The following LZTS1 variants were observed in gnomAD, a reference collection of about 807,000 sequenced individuals.
LZTS1 encodes the protein leucine zipper putative tumor suppressor 1.
LZTS1 carries 31 observed loss-of-function variants against 45.8 expected under a neutral mutation model. The ratio of observed to expected loss-of-function variants is 0.68; its 90% CI spans 0.51 to 0.91. LZTS1 has a LOEUF of 0.91. LZTS1 is among the 40% of genes least tolerant of loss of function. The pLI is 0.00. For synonymous variants in LZTS1, 359 were observed against 357.3 expected, an observed-to-expected ratio of 1.00 and a Z score of -0.05; for missense variants, 821 against 788.9, an observed-to-expected ratio of 1.04 and a Z score of -0.49.
chr8:20,252,970 A>C lies in LZTS1; in HGVS notation c.961T>G (p.Ser321Ala), dbSNP rs771981909. Residue 321 changes from serine to alanine, a missense_variant, in exon 3 of 4, where the codon TCG becomes GCG. Physicochemically the swap from Ser to Ala is moderately conservative, Grantham distance 99. Transcript: ENST00000381569. ...PKGGNKLKQASQKSQRAQQVL... is the reference protein window; with the variant it reads ...PKGGNKLKQAAQKSQRAQQVL... ...TGCTGCGCGCGCTGGCTCTTCTGCG[A>C]GGCCTGCTTGAGCTTGTTGCCGCCT... 1.9e-6 allele frequency: 3 copies of C among 1,588,012 alleles called. No homozygotes were observed. Among genetic ancestry groups the C allele is most frequent in the Non-Finnish European group, 2.6e-6 (3 of 1,167,496 alleles).
chr8:20,284,766 T>C (rs1800757545), intron 1 of LZTS1, among the ~76,000 whole-genome samples: 1 of 152,060 alleles, frequency 6.6e-6, no homozygotes, highest in Non-Finnish European at 1.5e-5. Flanking sequence ...GCTTACCTCT[T>C]CTGCCTCCAA....
intron 1 of LZTS1, among the ~76,000 whole-genome samples, chr8:20,259,437 T>G (rs1170771206): frequency 6.6e-6 from 1 of 152,142 alleles, no homozygotes; most frequent in East Asian, 1.9e-4. Flanking sequence ...TCCTCTCACC[T>G]CCATCTCCTC....
intron 1 of LZTS1, among the ~76,000 whole-genome samples, chr8:20,264,348 C>G (rs549032965): frequency 2.0e-5 from 3 of 152,122 alleles, no homozygotes; most frequent in Admixed American, 1.3e-4. Flanking sequence ...ATTATTTTTC[C>G]ACGTATGAAA....
Position 20,255,277 on chromosome 8 carries a change from C to CA in LZTS1, c.-97dup. On this transcript the variant is annotated 5_prime_UTR_variant, in exon 2 of 4. The change abolishes an upstream ATG in the 5' untranslated region. Coordinates refer to ENST00000381569, the MANE Select transcript of LZTS1 (RefSeq NM_021020.5). ...CGTGGCTCCGTGAGGGGACTGAGGT[C>CA]ATAGCAAAGCCCTCACAGAGCCTGC... 1 of 1,475,158 alleles carries CA rather than the reference C, an allele frequency of 6.8e-7. No homozygotes were observed. The highest frequency in any genetic ancestry group is 2.4e-5 in the Admixed American group (1 of 41,520). 91.4% of individuals were successfully genotyped at this position (1,475,158 alleles called of 1,614,324 possible).
intron 1 of LZTS1, among the ~76,000 whole-genome samples, chr8:20,294,977 C>G (rs1800957696): frequency 6.6e-6 from 1 of 151,868 alleles, no homozygotes; most frequent in African/African-American, 2.4e-5. Flanking sequence ...TTATCTCCCC[C>G]AAGCAGAGTG....
At chr8:20,263,248 T>A (rs1396432865) in intron 1 of LZTS1, among the ~76,000 whole-genome samples, 2 of 151,992 alleles carry the variant, frequency 1.3e-5, no homozygotes, top group Non-Finnish European at 2.9e-5. Flanking sequence ...GGCGGGGAGA[T>A]GTGGGTCTTC....
chr8:20,248,145 C>T lies in LZTS1; in HGVS notation c.*1577G>A, dbSNP rs1053602709. 1 of 151,442 alleles carries T rather than the reference C, an allele frequency of 6.6e-6. No individual in the cohort carries two copies. Among genetic ancestry groups the T allele is most frequent in the Non-Finnish European group, 1.5e-5 (1 of 67,906 alleles). 9.4% of individuals were successfully genotyped at this position (151,442 alleles called of 1,614,324 possible). On this transcript the variant is annotated 3_prime_UTR_variant, in exon 4 of 4. Coordinates refer to ENST00000381569, the MANE Select transcript of LZTS1 (RefSeq NM_021020.5). Reference sequence around the variant, plus strand: ...ACCAGCTTTGGCAACAAAACGAGACCCCGTCCCTACAAAAAAAATGAAAAG... The same window carrying T: ...ACCAGCTTTGGCAACAAAACGAGACTCCGTCCCTACAAAAAAAATGAAAAG...
chr8:20,272,378 C>T (rs1800491275), intron 1 of LZTS1, among the ~76,000 whole-genome samples: 1 of 152,138 alleles, frequency 6.6e-6, no homozygotes, highest in African/African-American at 2.4e-5. Context: ...TTTGCTCATG[C>T]CCAATTCTCC....
At chr8:20,264,566 G>A (rs1048997079) in intron 1 of LZTS1, among the ~76,000 whole-genome samples, 2 of 152,198 alleles carry the variant, frequency 1.3e-5, no homozygotes, top group African/African-American at 4.8e-5. Context: ...TTACTCAGAA[G>A]AGGGGCACTG....
chr8:20,263,236 TG>T (rs1800279788), intron 1 of LZTS1, among the ~76,000 whole-genome samples: 1 of 152,078 alleles, frequency 6.6e-6, no homozygotes, highest in Non-Finnish European at 1.5e-5. Flanking sequence ...AGGCGGAGAC[TG>T]GGCGGGGAGA....
chr8:20,254,409 C>T (rs967009519), intron 2 of LZTS1, among the ~76,000 whole-genome samples: 2 of 152,168 alleles, frequency 1.3e-5, no homozygotes, highest in East Asian at 1.9e-4. Context: ...GAAGACCGCA[C>T]CCACCCCCAC....
chr8:20,297,607 G>C (rs1470262344), intron 1 of LZTS1, among the ~76,000 whole-genome samples: 1 of 152,120 alleles, frequency 6.6e-6, no homozygotes, highest in African/African-American at 2.4e-5. Context: ...ATAGAGATGG[G>C]ATTTCGCCAT....
At position 20,253,290 on chromosome 8, in the gene LZTS1, G is replaced by A; in HGVS notation, c.641C>T (p.Thr214Ile). The A allele has an allele frequency of 6.2e-7, 1 of 1,614,080 alleles. No homozygotes were observed. Among genetic ancestry groups the A allele is most frequent in the Non-Finnish European group, 8.5e-7 (1 of 1,180,038 alleles). ...SRFGGSAHNI[T>I]QGIVLQDSNM... ...GCTGTCCTGGAGGACGATGCCCTGG[G>A]TGATGTTGTGGGCGGAGCCCCCAAA... Residue 214 changes from threonine to isoleucine, a missense_variant, in exon 3 of 4, where the codon ACC (threonine) becomes ATC (isoleucine). Coordinates refer to ENST00000381569, the MANE Select transcript of LZTS1 (RefSeq NM_021020.5).
chr8:20,298,479 T>A (rs1801015514), intron 1 of LZTS1, among the ~76,000 whole-genome samples: 1 of 152,150 alleles, frequency 6.6e-6, no homozygotes, highest in Admixed American at 6.5e-5. Context: ...TTCCACTTTT[T>A]AAAGTGTAAA....
In LZTS1 at chr8:20,273,486, T is replaced by C. The variant is rs1032399515; in HGVS notation, c.-134-18171A>G. Among the ~76,000 whole-genome samples, 3 of 152,182 alleles carry C rather than the reference T, an allele frequency of 2.0e-5. No individual in the cohort carries two copies. In the East Asian group the frequency reaches 5.8e-4, roughly 29 times the overall value. ...CGCACATCCACAGTGGAATTCTTCA[T>C]TCTCTCTTGCTTGCCAGGATCCATC... is the stretch of plus-strand genomic sequence containing the variant. On this transcript the variant is annotated intron_variant, in intron 1 of 3. Transcript: ENST00000381569.
intron 1 of LZTS1, among the ~76,000 whole-genome samples, chr8:20,277,151 T>A (rs571199124): frequency 6.6e-6 from 1 of 152,162 alleles, no homozygotes; most frequent in Non-Finnish European, 1.5e-5. Context: ...AAAACCAAGA[T>A]GGTGATGAGA....
chr8:20,296,888 C>A (rs1800987639), intron 1 of LZTS1, among the ~76,000 whole-genome samples: 1 of 152,192 alleles, frequency 6.6e-6, no homozygotes, highest in East Asian at 1.9e-4. Flanking sequence ...TCTGTTCAGA[C>A]ACCGATTTGG....
chr8:20,249,337 A>C lies in LZTS1; in HGVS notation c.*385T>G. The C allele has an allele frequency of 4.9e-6, 1 of 205,840 alleles. No individual in the cohort carries two copies. The highest frequency in any genetic ancestry group is 9.9e-6 in the Non-Finnish European group (1 of 101,414). The allele number at this position is 205,840 out of a possible 1,614,324, so 12.8% of individuals were successfully genotyped here. ...TCCAAGGCATTCCAATGTGTCCAGG[A>C]GGAAAAAGAGGTTGGGATGAGAAGC... is the stretch of plus-strand genomic sequence containing the variant. On this transcript the variant is annotated 3_prime_UTR_variant, in exon 4 of 4. Coordinates refer to ENST00000381569, the MANE Select transcript of LZTS1 (RefSeq NM_021020.5).
At position 20,249,659 on chromosome 8, in the gene LZTS1, G is replaced by C; in HGVS notation, c.*63C>G. 6.5e-7 allele frequency: 1 copy of C among 1,537,708 alleles called. No individual in the cohort carries two copies. The highest frequency in any genetic ancestry group is 1.2e-5 in the South Asian group (1 of 80,778). ...GGGGTCTGAATTGCTGAGCAGGGGG[G>C]ATGCACGGGAGAGCCCTGCCTCCCA... is the stretch of plus-strand genomic sequence containing the variant. On this transcript the variant is annotated 3_prime_UTR_variant, in exon 4 of 4. Coordinates refer to ENST00000381569, the MANE Select transcript of LZTS1 (RefSeq NM_021020.5).
Sources: gnomAD v4.1 joint callset for allele counts (sites outside exome capture counted in the v4.1 genomes callset) on GRCh38, gnomAD v4.1.1 for gene constraint, MANE v1.5 for transcripts, NCBI Gene and HGNC (gene_info 2026-07-23, HGNC 2026-07-21) for gene names.